Variants in RAB30 observed in about 807,000 individuals in gnomAD.
RAB30 encodes the protein RAB30, member RAS oncogene family, also known as ras-related protein Rab-30.
A neutral mutation model predicts 25.1 loss-of-function variants in RAB30; 9 were observed. The ratio of observed to expected loss-of-function variants is 0.36; its 90% CI spans 0.22 to 0.63. The LOEUF (loss-of-function observed/expected upper bound fraction) is 0.63, where lower values mean the gene tolerates loss of function less well. Ranked by LOEUF, RAB30 falls within the 20% of genes least tolerant of loss-of-function variation. The probability of loss-of-function intolerance (pLI) is 0.69; values close to 1 mark genes in which losing one functional copy is unlikely to be tolerated. For synonymous variants in RAB30, 77 were observed against 86.4 expected (o/e 0.89, Z 0.60); for missense variants, 140 against 243.5 (o/e 0.58, Z 2.83).
At chr11:82,994,787 G>A (rs965943060) in intron 2 of RAB30, among the ~76,000 whole-genome samples, 2 of 152,058 alleles carry the variant, frequency 1.3e-5, no homozygotes, top group Non-Finnish European at 2.9e-5. Context: ...CAAAGACACT[G>A]GGAAGATAAT....
intron 1 of RAB30, 149 bp from the exon 2 acceptor site, chr11:82,997,473 C>T (rs1480180100): frequency 3.3e-6 from 2 of 611,246 alleles, no homozygotes; most frequent in African/African-American, 1.8e-5. Flanking sequence ...GCCAGCTAGA[C>T]AGAAACACAG....
At chr11:83,017,365 G>C (rs973156449) in intron 1 of RAB30, among the ~76,000 whole-genome samples, 1 of 152,022 alleles carries the variant, frequency 6.6e-6, no homozygotes, top group African/African-American at 2.4e-5. Flanking sequence ...GTAGCAAAGA[G>C]ATTTTTATTT....
chr11:83,062,176 G>A (rs572056692), intron 1 of RAB30, among the ~76,000 whole-genome samples: 1 of 152,282 alleles, frequency 6.6e-6, no homozygotes, highest in African/African-American at 2.4e-5. Context: ...ATTTTTCAGA[G>A]TGGGAGGGGA....
At chr11:83,000,716 T>C (rs1190951846) in intron 1 of RAB30, among the ~76,000 whole-genome samples, 1 of 152,108 alleles carries the variant, frequency 6.6e-6, no homozygotes, top group Non-Finnish European at 1.5e-5. Flanking sequence ...TAAAGAAAGT[T>C]AACGGTGCCC....
intron 4 of RAB30, among the ~76,000 whole-genome samples, chr11:82,986,247 A>G (rs559119249): frequency 3.2e-4 from 49 of 152,336 alleles, no homozygotes; most frequent in Admixed American, 2.5e-3. Context: ...TTGCTAGGGA[A>G]GAGAAAATAA....
At chr11:82,984,716 C>G (rs1856707297) in intron 4 of RAB30, among the ~76,000 whole-genome samples, 1 of 152,196 alleles carries the variant, frequency 6.6e-6, no homozygotes, top group South Asian at 2.1e-4. Flanking sequence ...CTCCTAACAC[C>G]TCGGTTGTGG....
In RAB30 at chr11:82,977,696, A is replaced by T. The variant is rs564219120; in HGVS notation, c.*4469T>A. The T allele has an allele frequency of 6.6e-6, 1 of 152,024 alleles. No individual in the cohort carries two copies. Among genetic ancestry groups the T allele is most frequent in the Non-Finnish European group, 1.5e-5 (1 of 68,004 alleles). The allele number at this position is 152,024 out of a possible 1,614,324, so 9.4% of individuals were successfully genotyped here. A position where few individuals can be genotyped will look rare whatever the true frequency, so the allele number is the denominator to read the frequency against. On this transcript the variant is annotated 3_prime_UTR_variant, in exon 5 of 5. Coordinates refer to ENST00000527633, the MANE Select transcript of RAB30 (RefSeq NM_001286060.2). ...TTTTTCCTAACCTAAGTCTCCCCAA[A>T]TCCTTCAAGTATTCTTTAAATGGCT...
In RAB30 at chr11:83,029,777, T is replaced by C. The variant is rs146889211; in HGVS notation, c.-8-32453A>G. Among the ~76,000 whole-genome samples the C allele has an allele frequency of 2.2e-4, 33 of 152,208 alleles. No individual in the cohort carries two copies. In the East Asian group the frequency reaches 5.4e-3, roughly 25 times the overall value. On this transcript the variant is annotated intron_variant, in intron 1 of 4. Coordinates refer to ENST00000527633, the MANE Select transcript of RAB30 (RefSeq NM_001286060.2). ...GCAGCACAATTCACAATTGCAAAGA[T>C]ATGGAACCGACCTAAGTGCCCATCA...
chr11:83,036,813 TG>T (rs1857997714), intron 1 of RAB30, among the ~76,000 whole-genome samples: 1 of 152,016 alleles, frequency 6.6e-6, no homozygotes, highest in Non-Finnish European at 1.5e-5. Context: ...ATACAAGAAG[TG>T]CAAGGGTTAG....
At position 82,976,320 on chromosome 11, in the gene RAB30, TATCTC is replaced by T. The variant is rs1468267561; in HGVS notation, c.*5840_*5844del. On this transcript the variant is annotated 3_prime_UTR_variant, in exon 5 of 5. Transcript: ENST00000527633. ...TTTACCAAGCACTGTACTTTCAACTTATCTCATCTAATTTTCACAATAATCCTGAC... is the reference window on the plus strand; with the variant it reads ...TTTACCAAGCACTGTACTTTCAACTTATCTAATTTTCACAATAATCCTGAC... 3.9e-5 allele frequency: 6 copies of T among 152,346 alleles called. No homozygotes were observed. In the South Asian group the frequency reaches 6.2e-4, roughly 16 times the overall value. The allele number at this position is 152,346 out of a possible 1,614,324, so 9.4% of individuals were successfully genotyped here.
intron 1 of RAB30, among the ~76,000 whole-genome samples, chr11:83,000,480 C>CA: frequency 6.6e-6 from 1 of 152,308 alleles, no homozygotes; most frequent in African/African-American, 2.4e-5. Context: ...TAATAAAACT[C>CA]ACGGAAGGCA....
chr11:83,015,188 G>A (rs570820484), intron 1 of RAB30, among the ~76,000 whole-genome samples: 87 of 152,170 alleles, frequency 5.7e-4, no homozygotes, highest in Non-Finnish European at 1.1e-3. Flanking sequence ...ATAATGGAGG[G>A]TATGATGGTG....
intron 1 of RAB30, among the ~76,000 whole-genome samples, chr11:83,062,869 G>A (rs1480493918): frequency 2.6e-5 from 4 of 152,094 alleles, no homozygotes; most frequent in African/African-American, 7.2e-5. Flanking sequence ...CAGGCATGGT[G>A]GTGGGCACCT....
chr11:83,062,125 T>C (rs1373113046), intron 1 of RAB30, among the ~76,000 whole-genome samples: 2 of 152,172 alleles, frequency 1.3e-5, no homozygotes, highest in African/African-American at 2.4e-5. Flanking sequence ...AGAAACAGTA[T>C]AGTTTTGGTT....
intron 1 of RAB30, among the ~76,000 whole-genome samples, chr11:83,000,478 C>T (rs1057138853): frequency 3.9e-5 from 6 of 152,128 alleles, no homozygotes; most frequent in African/African-American, 1.4e-4. Flanking sequence ...AATAATAAAA[C>T]TCACGGAAGG....
intron 1 of RAB30, chr11:83,060,258 A>G (rs1858542040): frequency 6.6e-6 from 1 of 152,124 alleles, no homozygotes; most frequent in African/African-American, 2.4e-5. Flanking sequence ...AAGCTAATCT[A>G]TCATATGATA....
In RAB30 at chr11:82,974,883, T is replaced by G. The variant is rs139787052; in HGVS notation, c.*7282A>C. ...ATGGGGCACACTTTTCCCTTCAGAT[T>G]ATCAAAAACCTCTTTTTACTCCTGT... On this transcript the variant is annotated 3_prime_UTR_variant, in exon 5 of 5. Coordinates refer to ENST00000527633, the MANE Select transcript of RAB30 (RefSeq NM_001286060.2). The G allele has an allele frequency of 2.6e-5, 4 of 151,942 alleles. No individual in the cohort carries two copies. Among genetic ancestry groups the G allele is most frequent in the African/African-American group, 9.7e-5 (4 of 41,416 alleles). The allele number at this position is 151,942 out of a possible 1,614,324, so 9.4% of individuals were successfully genotyped here.
chr11:83,016,155 A>T (rs1251827840), intron 1 of RAB30, among the ~76,000 whole-genome samples: 1 of 152,080 alleles, frequency 6.6e-6, no homozygotes, highest in East Asian at 1.9e-4. Context: ...AATAAAACAA[A>T]CAAACAAAAA....
chr11:83,016,864 T>C (rs1186399498), intron 1 of RAB30, among the ~76,000 whole-genome samples: 3 of 152,206 alleles, frequency 2.0e-5, no homozygotes, highest in Admixed American at 6.5e-5. Flanking sequence ...ACTTCTATTA[T>C]TGCATTTTCA....
Sources: gnomAD v4.1 joint callset for allele counts (sites outside exome capture counted in the v4.1 genomes callset) on GRCh38, gnomAD v4.1.1 for gene constraint, MANE v1.5 for transcripts, NCBI Gene and HGNC (gene_info 2026-07-23, HGNC 2026-07-21) for gene names.